LOC400499: variants seen among roughly 807,000 people sequenced by gnomAD.
the LOC400499 span, among the ~76,000 whole-genome samples, chr16:11,487,856 C>T: frequency 6.6e-6 from 1 of 152,110 alleles, no homozygotes; most frequent in Non-Finnish European, 1.5e-5. Context: ...TGGCTCATGC[C>T]TGTAATCTCA....
At chr16:11,383,173 C>G in the LOC400499 span, among the ~76,000 whole-genome samples, 48,412 of 151,728 alleles carry the variant, frequency 0.32, 7,863 homozygotes, top group Non-Finnish European at 0.36. Flanking sequence ...TCACGCCATT[C>G]TCCTGCCTCA....
At chr16:11,456,887 T>C in the LOC400499 span, 18 of 1,536,104 alleles carry the variant, frequency 1.2e-5, no homozygotes, top group Non-Finnish European at 1.5e-5. Flanking sequence ...TGGCCCGAGA[T>C]GTGTCCTTCC....
the LOC400499 span, chr16:11,462,496 C>A: frequency 3.2e-6 from 3 of 941,452 alleles, no homozygotes; most frequent in Non-Finnish European, 3.8e-6. Flanking sequence ...GTGGTGGAAT[C>A]CTGGCTCGCT....
At chr16:11,412,772 A>T in the LOC400499 span, 2 of 398,152 alleles carry the variant, frequency 5.0e-6, no homozygotes, top group Non-Finnish European at 4.4e-6. Context: ...GTGTCCAGCG[A>T]TGGTGCACAG....
the LOC400499 span, chr16:11,491,884 C>T: frequency 2.5e-6 from 1 of 398,646 alleles, no homozygotes; most frequent in African/African-American, 2.1e-5. Flanking sequence ...CCAAGGCCTA[C>T]CTACCTCCAC....
the LOC400499 span, among the ~76,000 whole-genome samples, chr16:11,485,993 G>T: frequency 2.6e-5 from 4 of 152,136 alleles, no homozygotes; most frequent in Admixed American, 6.6e-5. Flanking sequence ...GTGGACAGAT[G>T]AATAAGTGAA....
the LOC400499 span, among the ~76,000 whole-genome samples, chr16:11,516,669 A>G: frequency 2.6e-5 from 4 of 152,166 alleles, no homozygotes; most frequent in Non-Finnish European, 5.9e-5. Context: ...GCCACTTGGG[A>G]ATATTGCCTT....
the LOC400499 span, chr16:11,460,711 AC>A: frequency 2.1e-6 from 3 of 1,422,032 alleles, no homozygotes; most frequent in Non-Finnish European, 2.8e-6. Context: ...CCTCAGCCAC[AC>A]CCCCCATGCT....
At chr16:11,451,683 G>A in the LOC400499 span, among the ~76,000 whole-genome samples, 1 of 152,222 alleles carries the variant, frequency 6.6e-6, no homozygotes, top group African/African-American at 2.4e-5. Context: ...AGGCTTCTAG[G>A]AGGAAGTGAC....
the LOC400499 span, among the ~76,000 whole-genome samples, chr16:11,512,217 G>A: frequency 6.6e-6 from 1 of 151,978 alleles, no homozygotes; most frequent in Admixed American, 6.6e-5. Context: ...GGAAGGAGGA[G>A]GTTACAGTGA....
the LOC400499 span, chr16:11,396,714 G>C: frequency 8.1e-7 from 1 of 1,230,482 alleles, no homozygotes; most frequent in Non-Finnish European, 1.0e-6. Context: ...AGGCACAGGG[G>C]TGGCAGCTTC....
the LOC400499 span, among the ~76,000 whole-genome samples, chr16:11,426,013 C>T: frequency 6.6e-6 from 1 of 152,174 alleles, no homozygotes; most frequent in African/African-American, 2.4e-5. Flanking sequence ...GGGAATCCCA[C>T]TAAAGCAAGG....
At chr16:11,392,349 C>T in the LOC400499 span, 3 of 399,002 alleles carry the variant, frequency 7.5e-6, no homozygotes, top group East Asian at 7.1e-5. Context: ...CCCTGGCAGC[C>T]GCGCGCGGCC....
the LOC400499 span, chr16:11,469,592 C>T: frequency 5.0e-6 from 2 of 398,950 alleles, no homozygotes; most frequent in Non-Finnish European, 8.8e-6. Flanking sequence ...TCCACCCCGA[C>T]GTCCCTCAGC....
the LOC400499 span, among the ~76,000 whole-genome samples, chr16:11,475,329 T>C: frequency 3.3e-5 from 5 of 151,884 alleles, no homozygotes; most frequent in South Asian, 2.1e-4. Flanking sequence ...TAAAGTAAAA[T>C]AAAAATAATA....
the LOC400499 span, chr16:11,398,290 G>A: frequency 8.2e-7 from 1 of 1,221,848 alleles, no homozygotes; most frequent in South Asian, 4.2e-5. Context: ...CCTCACTGCT[G>A]CCCCCTCACC....
At chr16:11,512,713 G>A in the LOC400499 span, among the ~76,000 whole-genome samples, 2 of 152,302 alleles carry the variant, frequency 1.3e-5, no homozygotes, top group South Asian at 2.1e-4. Context: ...TGTATGGTAT[G>A]TGAATTCTCT....
the LOC400499 span, among the ~76,000 whole-genome samples, chr16:11,461,763 A>T: frequency 6.6e-6 from 1 of 152,080 alleles, no homozygotes; most frequent in Non-Finnish European, 1.5e-5. Context: ...AATCTTCCGG[A>T]ACACCCATGA....
At chr16:11,443,550 G>C in the LOC400499 span, 3 of 320,010 alleles carry the variant, frequency 9.4e-6, no homozygotes, top group Admixed American at 9.0e-5. Flanking sequence ...CTCCATAAAT[G>C]CTTGCTGAAA....
Sources: allele counts gnomAD v4.1 joint callset (sites outside exome capture counted in the v4.1 genomes callset), GRCh38; gene constraint gnomAD v4.1.1; transcripts MANE v1.5.